Variants in FRMD3 observed in about 807,000 individuals in gnomAD.
FRMD3 encodes FERM domain containing 3.
FRMD3 carries 33 observed loss-of-function variants against 70.2 expected under a neutral mutation model. That is an observed-to-expected ratio of 0.47 (90% confidence interval 0.36 to 0.63). The LOEUF is 0.63. Ranked by LOEUF, FRMD3 falls within the 20% of genes least tolerant of loss-of-function variation. FRMD3 has a pLI of 0.00. For missense variants in FRMD3, 632 were observed against 711.4 expected (o/e 0.89, Z 1.27); for synonymous variants, 279 against 255.9 (o/e 1.09, Z -0.86).
intron 13 of FRMD3, chr9:83,276,472 G>C (rs973888323): frequency 3.3e-5 from 5 of 152,126 alleles, no homozygotes; most frequent in Non-Finnish European, 7.3e-5. Context: ...TTAAGAAACA[G>C]GGCATCTGTG....
At chr9:83,491,572 T>G (rs1408490787) in intron 1 of FRMD3, among the ~76,000 whole-genome samples, 2 of 152,178 alleles carry the variant, frequency 1.3e-5, no homozygotes, top group Non-Finnish European at 2.9e-5. Context: ...AAGTCTGTGA[T>G]GAGCCATCCA....
intron 1 of FRMD3, among the ~76,000 whole-genome samples, chr9:83,419,516 GTGATA>G (rs1826563337): frequency 6.6e-6 from 1 of 151,308 alleles, no homozygotes; most frequent in Non-Finnish European, 1.5e-5. Context: ...TTGAGTGTGT[GTGATA>G]TGTGTTCATG....
chr9:83,462,151 T>G (rs546628460), intron 1 of FRMD3, among the ~76,000 whole-genome samples: 1 of 152,344 alleles, frequency 6.6e-6, no homozygotes, highest in African/African-American at 2.4e-5. Flanking sequence ...AGGTGAACCA[T>G]AAGCCTATCC....
chr9:83,341,363 T>C (rs1234204501), intron 5 of FRMD3, among the ~76,000 whole-genome samples: 1 of 152,148 alleles, frequency 6.6e-6, no homozygotes, highest in Non-Finnish European at 1.5e-5. Context: ...GGAGGCTCCG[T>C]GGCTTTATTT....
chr9:83,451,903 T>C (rs1827670067), intron 1 of FRMD3, among the ~76,000 whole-genome samples: 1 of 152,222 alleles, frequency 6.6e-6, no homozygotes, highest in South Asian at 2.1e-4. Flanking sequence ...AATAGACATT[T>C]GTAAATTATT....
chr9:83,346,716 G>T (rs1823976458), intron 4 of FRMD3, among the ~76,000 whole-genome samples: 4 of 152,172 alleles, frequency 2.6e-5, no homozygotes, highest in South Asian at 4.1e-4. Context: ...TAGAGTGGTG[G>T]TTCTCAAAAT....
intron 1 of FRMD3, among the ~76,000 whole-genome samples, chr9:83,433,681 T>G (rs1295886247): frequency 6.6e-6 from 1 of 152,118 alleles, no homozygotes; most frequent in Non-Finnish European, 1.5e-5. Flanking sequence ...AATCTGAGGG[T>G]GATGGGAGAC....
At chr9:83,396,213 T>G (rs1420020932) in intron 1 of FRMD3, among the ~76,000 whole-genome samples, 2 of 152,188 alleles carry the variant, frequency 1.3e-5, no homozygotes, top group Non-Finnish European at 2.9e-5. Context: ...AACAACAATA[T>G]GAGGATTTGG....
chr9:83,515,712 C>A (rs1829440130), intron 1 of FRMD3, among the ~76,000 whole-genome samples: 1 of 152,062 alleles, frequency 6.6e-6, no homozygotes, highest in African/African-American at 2.4e-5. Context: ...TTAAGGGCAG[C>A]CAGAGAGAAA....
chr9:83,243,830 T>TAAC (rs1752105029), downstream of FRMD3, among the ~76,000 whole-genome samples: 1 of 152,220 alleles, frequency 6.6e-6, no homozygotes, highest in African/African-American at 2.4e-5. Flanking sequence ...CCTTTTGGTT[T>TAAC]AACTGTTAGG....
chr9:83,498,387 CA>C (rs1828988986), intron 1 of FRMD3, among the ~76,000 whole-genome samples: 1 of 152,100 alleles, frequency 6.6e-6, no homozygotes, highest in African/African-American at 2.4e-5. Context: ...TCTCAAATTC[CA>C]TGATAGAAGA....
the FRMD3 span, among the ~76,000 whole-genome samples, chr9:83,578,710 T>C: frequency 5.8e-3 from 886 of 152,002 alleles, 15 homozygotes; most frequent in African/African-American, 0.02. Flanking sequence ...ATAGCTAACA[T>C]AGTACTCAAC....
intron 1 of FRMD3, among the ~76,000 whole-genome samples, chr9:83,445,398 C>T (rs959809388): frequency 2.0e-5 from 3 of 147,426 alleles, no homozygotes; most frequent in African/African-American, 7.6e-5. Context: ...AGATAAGATA[C>T]TGCTGGCTGA....
the FRMD3 span, among the ~76,000 whole-genome samples, chr9:83,583,907 T>C: frequency 6.6e-6 from 1 of 152,184 alleles, no homozygotes; most frequent in Non-Finnish European, 1.5e-5. Context: ...CAGTGGAAAC[T>C]CTTTCTTGTC....
intron 1 of FRMD3, among the ~76,000 whole-genome samples, chr9:83,500,350 T>C (rs1829034798): frequency 7.2e-6 from 1 of 139,662 alleles, no homozygotes; most frequent in Admixed American, 7.3e-5. Flanking sequence ...CCCTCTGTAC[T>C]CTCCATATAC....
intron 1 of FRMD3, among the ~76,000 whole-genome samples, chr9:83,515,662 A>T (rs1829438834): frequency 6.6e-6 from 1 of 152,192 alleles, no homozygotes; most frequent in East Asian, 1.9e-4. Flanking sequence ...CAAGACACAT[A>T]ATCTTCAGAT....
intron 1 of FRMD3, among the ~76,000 whole-genome samples, chr9:83,478,759 T>C (rs1587893281): frequency 6.6e-6 from 1 of 152,318 alleles, no homozygotes; most frequent in Middle Eastern, 3.4e-3. Context: ...AAATATCCAC[T>C]GGCAAATAAA....
upstream of FRMD3, among the ~76,000 whole-genome samples, chr9:83,541,350 A>G (rs970163069): frequency 6.6e-6 from 1 of 152,234 alleles, no homozygotes; most frequent in Non-Finnish European, 1.5e-5. Flanking sequence ...TACTATCTAA[A>G]TTGACTAACT....
At chr9:83,464,049 C>T (rs1276860593) in intron 1 of FRMD3, among the ~76,000 whole-genome samples, 1 of 152,222 alleles carries the variant, frequency 6.6e-6, no homozygotes, top group African/African-American at 2.4e-5. Flanking sequence ...CCAACTCTAA[C>T]TGTACACACC....
Sources: gnomAD v4.1 joint callset for allele counts (sites outside exome capture counted in the v4.1 genomes callset) on GRCh38, gnomAD v4.1.1 for gene constraint, MANE v1.5 for transcripts, NCBI Gene and HGNC (gene_info 2026-07-23, HGNC 2026-07-21) for gene names.